Variants in DPP10 observed in about 807,000 individuals in gnomAD.
The protein encoded by DPP10 is inactive dipeptidyl peptidase 10.
DPP10 carries 33 observed loss-of-function variants against 120.9 expected under a neutral mutation model. The ratio of observed to expected loss-of-function variants is 0.27; its 90% CI spans 0.21 to 0.37. The LOEUF is 0.37. DPP10 is among the 10% of genes least tolerant of loss of function. The probability of loss-of-function intolerance (pLI) is 1.00; values close to 1 mark genes in which losing one functional copy is unlikely to be tolerated. For synonymous variants in DPP10, 337 were observed against 326.1 expected, an observed-to-expected ratio of 1.03 and a Z score of -0.36; for missense variants, 816 against 942.8, an observed-to-expected ratio of 0.87 and a Z score of 1.76.
chr2:115,378,107 G>C (rs1010961243), intron 3 of DPP10, among the ~76,000 whole-genome samples: 5 of 152,140 alleles, frequency 3.3e-5, no homozygotes, highest in African/African-American at 4.8e-5. Context: ...TTGGTAGCTT[G>C]ATGGGGATGG....
At chr2:115,504,548 TA>T (rs1198253051) in intron 4 of DPP10, among the ~76,000 whole-genome samples, 1 of 152,100 alleles carries the variant, frequency 6.6e-6, no homozygotes, top group African/African-American at 2.4e-5. Flanking sequence ...AATATTTATT[TA>T]AAAATGATTA....
At chr2:115,281,107 A>G (rs746259835) in intron 1 of DPP10, among the ~76,000 whole-genome samples, 1 of 152,166 alleles carries the variant, frequency 6.6e-6, no homozygotes, top group Admixed American at 6.6e-5. Flanking sequence ...ACAGATTTCT[A>G]TTACATCTCC....
chr2:114,900,687 A>C (rs914077078), intron 1 of DPP10, among the ~76,000 whole-genome samples: 1 of 152,180 alleles, frequency 6.6e-6, no homozygotes, highest in Non-Finnish European at 1.5e-5. Flanking sequence ...TGACAAACAG[A>C]AGTCCCTAAT....
chr2:114,558,882 A>G (rs1688531885), intron 1 of DPP10, among the ~76,000 whole-genome samples: 1 of 152,242 alleles, frequency 6.6e-6, no homozygotes, highest in Admixed American at 6.5e-5. Context: ...TATTTGTGGT[A>G]TCCATGAGTG....
intron 21 of DPP10, among the ~76,000 whole-genome samples, chr2:115,821,555 A>G (rs908849554): frequency 2.0e-5 from 3 of 152,014 alleles, no homozygotes; most frequent in African/African-American, 7.2e-5. Context: ...TTTGTTGAAG[A>G]TTGTATTCAT....
chr2:115,429,441 G>A (rs188431189), intron 3 of DPP10, among the ~76,000 whole-genome samples: 1 of 152,008 alleles, frequency 6.6e-6, no homozygotes. Flanking sequence ...GTGGTAATGA[G>A]GTTTAAAAAT....
At chr2:114,554,272 T>G (rs1473670043) in intron 1 of DPP10, among the ~76,000 whole-genome samples, 1 of 152,182 alleles carries the variant, frequency 6.6e-6, no homozygotes, top group Non-Finnish European at 1.5e-5. Context: ...CAACATCCAC[T>G]GAGGACTGAA....
At chr2:115,336,469 A>G (rs765264586) in intron 2 of DPP10, among the ~76,000 whole-genome samples, 1 of 152,028 alleles carries the variant, frequency 6.6e-6, no homozygotes, top group African/African-American at 2.4e-5. Context: ...CCTATTCATA[A>G]TTATAGTATC....
chr2:115,175,156 A>C (rs1042978077), intron 1 of DPP10, among the ~76,000 whole-genome samples: 5 of 152,202 alleles, frequency 3.3e-5, no homozygotes, highest in African/African-American at 1.2e-4. Flanking sequence ...GCATATCATA[A>C]ATTTTCATTC....
intron 5 of DPP10, among the ~76,000 whole-genome samples, chr2:115,574,761 G>A (rs2081547917): frequency 1.3e-5 from 2 of 152,190 alleles, no homozygotes; most frequent in Non-Finnish European, 2.9e-5. Flanking sequence ...TTTGTGGAAT[G>A]AATTTACCTC....
chr2:115,119,201 T>C (rs761322953), intron 1 of DPP10, among the ~76,000 whole-genome samples: 2 of 152,142 alleles, frequency 1.3e-5, no homozygotes, highest in South Asian at 2.1e-4. Context: ...AGGTGCTCAT[T>C]TGAAGCATTT....
intron 1 of DPP10, among the ~76,000 whole-genome samples, chr2:114,491,147 A>G (rs964242934): frequency 6.6e-5 from 10 of 152,152 alleles, no homozygotes; most frequent in Non-Finnish European, 1.5e-4. Context: ...ACTCCTGCAT[A>G]CTCATGTTTT....
chr2:115,810,659 G>A (rs1392563759), intron 19 of DPP10, among the ~76,000 whole-genome samples: 2 of 152,128 alleles, frequency 1.3e-5, no homozygotes, highest in African/African-American at 2.4e-5. Context: ...ACTTGTGTTA[G>A]GAAATAGACA....
intron 10 of DPP10, among the ~76,000 whole-genome samples, chr2:115,748,008 T>TG (rs1356169365): frequency 6.6e-6 from 1 of 152,118 alleles, no homozygotes; most frequent in Non-Finnish European, 1.5e-5. Context: ...TTCCTGACCT[T>TG]GATTTTTTTT....
At chr2:114,716,696 A>G (rs1204840697) in intron 1 of DPP10, among the ~76,000 whole-genome samples, 1 of 152,196 alleles carries the variant, frequency 6.6e-6, no homozygotes, top group Non-Finnish European at 1.5e-5. Flanking sequence ...TAAAGTAGAT[A>G]ATTTGTAAGA....
intron 2 of DPP10, among the ~76,000 whole-genome samples, chr2:115,334,552 A>G (rs868390731): frequency 6.6e-6 from 1 of 152,008 alleles, no homozygotes; most frequent in African/African-American, 2.4e-5. Context: ...ACTTCTGAAA[A>G]GAGACTTTTC....
At chr2:115,286,542 A>T (rs7600222) in intron 1 of DPP10, among the ~76,000 whole-genome samples, 18,880 of 65,946 alleles carry the variant, frequency 0.29, 2,451 homozygotes, top group East Asian at 0.5. Flanking sequence ...TATATATATA[A>T]AATATATACA....
intron 3 of DPP10, among the ~76,000 whole-genome samples, chr2:115,400,532 T>C (rs528467504): frequency 6.6e-6 from 1 of 151,852 alleles, no homozygotes; most frequent in East Asian, 2.0e-4. Flanking sequence ...ATACCCACCA[T>C]AATATCAAAA....
At chr2:114,550,244 T>C (rs926996446) in intron 1 of DPP10, among the ~76,000 whole-genome samples, 4 of 152,144 alleles carry the variant, frequency 2.6e-5, no homozygotes, top group Admixed American at 6.5e-5. Flanking sequence ...ATCCCAAGGG[T>C]GTGAGCATAG....
Sources: gnomAD v4.1 joint callset for allele counts (sites outside exome capture counted in the v4.1 genomes callset) on GRCh38, gnomAD v4.1.1 for gene constraint, MANE v1.5 for transcripts, NCBI Gene and HGNC (gene_info 2026-07-23, HGNC 2026-07-21) for gene names.